Variants in PREPL observed in about 807,000 individuals in gnomAD.
PREPL encodes the protein prolyl endopeptidase-like.
A neutral mutation model predicts 70.6 loss-of-function variants in PREPL; 77 were observed. The observed-to-expected ratio is 1.09, with a 90% CI of 0.91 to 1.32. PREPL has a LOEUF of 1.32. PREPL is among the 40% of genes most tolerant of loss of function. The pLI, the probability that PREPL is intolerant of heterozygous loss-of-function variation, is 0.00. For missense variants in PREPL, 1,002 were observed against 778.2 expected, an observed-to-expected ratio of 1.29 and a Z score of -3.42; for synonymous variants, 315 against 264.8, an observed-to-expected ratio of 1.19 and a Z score of -1.84.
intron 1 of PREPL, among the ~76,000 whole-genome samples, chr2:44,356,539 C>G (rs1011955530): frequency 7.3e-5 from 8 of 109,550 alleles, no homozygotes; most frequent in Non-Finnish European, 1.6e-4. Context: ...AGCAAGACTC[C>G]GTCTCAAACA....
intron 7 of PREPL, among the ~76,000 whole-genome samples, chr2:44,336,495 T>G (rs942835632): frequency 5.3e-5 from 8 of 152,060 alleles, no homozygotes; most frequent in Non-Finnish European, 1.2e-4. Context: ...TGTGTCCACA[T>G]GGACACAAGG....
rs1345077862 is a variant in PREPL, at chr2:44,342,420, G to A, written c.482C>T (p.Pro161Leu). Residue 161 changes from proline (P) to leucine (L), a missense_variant, in exon 5 of 14, where the codon CCA (proline) becomes CTA (leucine). Physicochemically the swap from Pro to Leu is moderately conservative, Grantham distance 98 (BLOSUM62 -3). Coordinates refer to ENST00000409411, the MANE Select transcript of PREPL (RefSeq NM_001171613.2). ...RNERFYTEKD[P>L]SYFVFLYLTK... ...TTTAATTATATTATTCTAGTACCTT[G>A]GGTCTTTTTCTGTGTAAAAGCGTTC... The A allele has an allele frequency of 6.2e-7, 1 of 1,609,384 alleles. No individual in the cohort carries two copies. The highest frequency in any genetic ancestry group is 8.5e-7 in the Non-Finnish European group (1 of 1,177,448).
chr2:44,351,096 T>A (rs576241734), intron 1 of PREPL, among the ~76,000 whole-genome samples: 116 of 151,564 alleles, frequency 7.7e-4, no homozygotes, highest in African/African-American at 2.7e-3. Context: ...CTAATTTTTT[T>A]TTTTTTTTTT....
chr2:44,351,201 C>T (rs1676397519), intron 1 of PREPL, among the ~76,000 whole-genome samples: 3 of 151,698 alleles, frequency 2.0e-5, no homozygotes, highest in African/African-American at 4.8e-5. Context: ...TCCCGAAGTG[C>T]TGGGATTACA....
chr2:44,358,422 C>T (rs1484661894), intron 1 of PREPL, among the ~76,000 whole-genome samples: 1 of 151,996 alleles, frequency 6.6e-6, no homozygotes, highest in African/African-American at 2.4e-5. Flanking sequence ...ATATTAAAAT[C>T]ATAAATTTGT....
Position 44,323,352 on chromosome 2 carries a change from T to C in PREPL, c.1539A>G (p.Glu513=). The C allele has an allele frequency of 1.9e-6, 3 of 1,605,348 alleles. No homozygotes were observed. Among genetic ancestry groups the C allele is most frequent in the Non-Finnish European group, 2.6e-6 (3 of 1,172,340 alleles). Residue 513 remains glutamate, a synonymous_variant, in exon 11 of 14, where the codon GAA becomes GAG. Transcript: ENST00000409411. Reference sequence around the variant, plus strand: ...AAGGATTCCCCCATTCTTCTAATTCTTCTAATGTCAGAGGAAGTGTAGTGT... The same window carrying C: ...AAGGATTCCCCCATTCTTCTAATTCCTCTAATGTCAGAGGAAGTGTAGTGT... ...MMDTTLPLTL[E]ELEEWGNPSS...
chr2:44,346,154 G>T, intron 2 of PREPL, 114 bp downstream of exon 2: 1 of 963,522 alleles, frequency 1.0e-6, no homozygotes. Flanking sequence ...ATATTTTAAA[G>T]GCCAAAAGCA....
chr2:44,334,248 A>G (rs1674413437), intron 7 of PREPL, among the ~76,000 whole-genome samples: 1 of 152,168 alleles, frequency 6.6e-6, no homozygotes, highest in Admixed American at 6.5e-5. Context: ...ATAGGGAGAC[A>G]TTCCTTAGAT....
At chr2:44,335,433 T>A (rs1389522414) in intron 7 of PREPL, among the ~76,000 whole-genome samples, 1 of 152,184 alleles carries the variant, frequency 6.6e-6, no homozygotes, top group East Asian at 1.9e-4. Context: ...TAATAATAGA[T>A]GCTCCACCAG....
rs1672846744 is a variant in PREPL, at chr2:44,320,566, T to C, written c.*790A>G. On this transcript the variant is annotated 3_prime_UTR_variant, in exon 14 of 14. Transcript: ENST00000409411. ...AATCTCCTTCATCGCCAAACAGCTTTCAGAGATAGATGCTTTGTTTCCAAT... is the reference window on the plus strand; with the variant it reads ...AATCTCCTTCATCGCCAAACAGCTTCCAGAGATAGATGCTTTGTTTCCAAT... 5 of 1,614,080 alleles carry C rather than the reference T, an allele frequency of 3.1e-6. No individual in the cohort carries two copies. The highest frequency in any genetic ancestry group is 4.2e-6 in the Non-Finnish European group (5 of 1,179,938).
intron 1 of PREPL, among the ~76,000 whole-genome samples, chr2:44,358,824 T>C (rs545664425): frequency 6.6e-6 from 1 of 152,284 alleles, no homozygotes; most frequent in East Asian, 1.9e-4. Flanking sequence ...TTCATTTTTT[T>C]ACAGAGAAAT....
In PREPL at chr2:44,340,737, G is replaced by T. The variant is rs577966542; in HGVS notation, c.486-1374C>A. ...GAGATCAGGAGTTCAAGACCACCCT[G>T]GCCAACATGGTGAAACCCCGTCTCC... is the stretch of plus-strand genomic sequence containing the variant. On this transcript the variant is annotated intron_variant, in intron 5 of 13. Coordinates refer to ENST00000409411, the MANE Select transcript of PREPL (RefSeq NM_001171613.2). Among the ~76,000 whole-genome samples, 3 of 152,148 alleles carry T rather than the reference G, an allele frequency of 2.0e-5. No homozygotes were observed. In the South Asian group the frequency reaches 6.2e-4, roughly 32 times the overall value.
At chr2:44,338,323 A>T (rs761113036) in intron 7 of PREPL, 28 bp downstream of exon 7, 1 of 1,568,198 alleles carries the variant, frequency 6.4e-7, no homozygotes, top group East Asian at 2.2e-5. Context: ...TTTGATTAAC[A>T]GTATTAACTT....
At chr2:44,342,728 C>T (rs1439022105) in intron 4 of PREPL, among the ~76,000 whole-genome samples, 176 bp from the exon 5 acceptor site, 1 of 152,086 alleles carries the variant, frequency 6.6e-6, no homozygotes, top group Non-Finnish European at 1.5e-5. Flanking sequence ...GAGAGCTTTC[C>T]TGAGAATAAA....
At position 44,326,896 on chromosome 2, in the gene PREPL, G is replaced by C; in HGVS notation, c.1295C>G (p.Ala432Gly). ...GAGTTTTTTAGTTAGGCGGCCATCA[G>C]CGTGCCACTGGAGGCCTAACTCACC... is the stretch of plus-strand genomic sequence containing the variant. ...GGGELGLQWH[A>G]DGRLTKKLNG... is the part of the protein sequence containing the mutation. Residue 432 changes from alanine to glycine, a missense_variant, in exon 10 of 14, where the codon GCT becomes GGT. Physicochemically the swap from Ala to Gly is moderately conservative, Grantham distance 60. Coordinates refer to ENST00000409411, the MANE Select transcript of PREPL (RefSeq NM_001171613.2). The C allele has an allele frequency of 6.2e-7, 1 of 1,614,152 alleles. No individual in the cohort carries two copies. Among genetic ancestry groups the C allele is most frequent in the South Asian group, 1.1e-5 (1 of 91,084 alleles).
At chr2:44,330,721 TTATCTGATATATGA>T (rs1454806812) in intron 8 of PREPL, among the ~76,000 whole-genome samples, 6 of 152,206 alleles carry the variant, frequency 3.9e-5, no homozygotes, top group Non-Finnish European at 8.8e-5. Context: ...ACATGTGAAA[TTATCTGATATATGA>T]TATGCTAAAG....
chr2:44,337,244 T>A (rs1674729260), intron 7 of PREPL, among the ~76,000 whole-genome samples: 1 of 152,170 alleles, frequency 6.6e-6, no homozygotes, highest in Admixed American at 6.6e-5. Flanking sequence ...AAATCCTATC[T>A]CTCTTCTCTG....
chr2:44,361,155 G>C (rs1364483117), intron 1 of PREPL, among the ~76,000 whole-genome samples: 1 of 152,196 alleles, frequency 6.6e-6, no homozygotes, highest in Non-Finnish European at 1.5e-5. Flanking sequence ...GGATGGGGGT[G>C]GGGTAGATAA....
intron 11 of PREPL, 79 bp downstream of exon 11, chr2:44,323,183 T>C (rs1321288287): frequency 7.4e-7 from 1 of 1,350,912 alleles, no homozygotes; most frequent in Non-Finnish European, 1.0e-6. Flanking sequence ...CTCCTATTTT[T>C]GCTTCAGCTT....
Sources: allele counts gnomAD v4.1 joint callset (sites outside exome capture counted in the v4.1 genomes callset), GRCh38; gene constraint gnomAD v4.1.1; transcripts MANE v1.5; gene names NCBI Gene and HGNC (gene_info 2026-07-23, HGNC 2026-07-21).